IGSF9B: variants seen among roughly 807,000 people sequenced by gnomAD.
IGSF9B encodes protein turtle homolog B.
IGSF9B carries 48 observed loss-of-function variants against 143.7 expected under a neutral mutation model. The ratio of observed to expected loss-of-function variants is 0.33; its 90% CI spans 0.26 to 0.42. The LOEUF (loss-of-function observed/expected upper bound fraction) is 0.42, where lower values mean the gene tolerates loss of function less well. IGSF9B is among the 20% of genes least tolerant of loss of function. The pLI, the probability that IGSF9B is intolerant of heterozygous loss-of-function variation, is 1.00. For missense variants in IGSF9B, 1,706 were observed against 1,980.0 expected, an observed-to-expected ratio of 0.86 and a Z score of 2.63; for synonymous variants, 903 against 833.1, an observed-to-expected ratio of 1.08 and a Z score of -1.44.
chr11:133,931,691 G>A lies in IGSF9B; in HGVS notation c.1215C>T (p.Thr405=), dbSNP rs555427934. The change falls in exon 9 of 20, where the codon ACC becomes ACT. Residue 405 remains threonine (T), a synonymous_variant. Coordinates refer to ENST00000533871, the MANE Select transcript of IGSF9B (RefSeq NM_001277285.4). This position sits in a 1 kb window ranked among gnomAD's most constrained non-coding sequence, Gnocchi z 7.7. ...YTCVPYNTLG[T]MGQSAPARLV... Reference sequence around the variant, plus strand: ...GCCTCGCAGGGGCAGACTGGCCCATGGTCCCCAGAGTGTTGTAAGGCACAC... The same window carrying A: ...GCCTCGCAGGGGCAGACTGGCCCATAGTCCCCAGAGTGTTGTAAGGCACAC... 3 of 1,611,530 alleles carry A rather than the reference G, an allele frequency of 1.9e-6. No homozygotes were observed. The African/African-American group carries it at 4.0e-5, about 22-fold the overall frequency.
Position 133,919,844 on chromosome 11 carries a change from G to A in IGSF9B, c.3881C>T (p.Pro1294Leu). Residue 1294 changes from proline to leucine, a missense_variant, in exon 18 of 20, where the codon CCT (proline) becomes CTT (leucine). Transcript: ENST00000533871. ...TCCAAACACGTCCAAGCTGTCCCCA[G>A]GCCCAGCAGGGGCGGGGCCGGGTGG... Reference protein sequence around the residue: ...SPPPGPAPAGPGDSLDVFGQT... With the variant: ...SPPPGPAPAGLGDSLDVFGQT... 1.3e-6 allele frequency: 2 copies of A among 1,582,022 alleles called. No homozygotes were observed. The highest frequency in any genetic ancestry group is 1.7e-6 in the Non-Finnish European group (2 of 1,163,962).
intron 1 of IGSF9B, among the ~76,000 whole-genome samples, chr11:133,955,952 C>A (rs1452382886): frequency 2.0e-5 from 3 of 151,658 alleles, no homozygotes; most frequent in Admixed American, 2.0e-4. Flanking sequence ...CTGGGGAGGG[C>A]GGCGTGGGGC....
intron 1 of IGSF9B, among the ~76,000 whole-genome samples, chr11:133,951,238 G>A (rs942171679): frequency 3.9e-5 from 6 of 152,174 alleles, no homozygotes; most frequent in African/African-American, 1.4e-4. Flanking sequence ...GAAGGCAGAC[G>A]GGTACGGGTT....
chr11:133,956,246 G>C (rs1471054542), intron 1 of IGSF9B, among the ~76,000 whole-genome samples: 2 of 152,000 alleles, frequency 1.3e-5, no homozygotes, highest in Non-Finnish European at 2.9e-5. Flanking sequence ...TCCGGGTCGC[G>C]CCTCCCTGCA....
chr11:133,922,177 G>A lies in IGSF9B; in HGVS notation c.2327C>T (p.Pro776Leu), dbSNP rs781680563. ...TTCTCCCAGGATCTGAGACACTTACGGAGACTCCAGGCTCTTCCTGCAGTG... is the reference window on the plus strand; with the variant it reads ...TTCTCCCAGGATCTGAGACACTTACAGAGACTCCAGGCTCTTCCTGCAGTG... Reference protein sequence around the residue: ...ITHCRKSLESPLSSGKVSPES... With the variant: ...ITHCRKSLESLLSSGKVSPES... The change falls in exon 17 of 20, where the codon CCC (proline) becomes CTC (leucine). Residue 776 changes from proline to leucine, a missense_variant and splice_region_variant. By Grantham distance (98) the Pro-to-Leu change is moderately conservative. Coordinates refer to ENST00000533871, the MANE Select transcript of IGSF9B (RefSeq NM_001277285.4). 3 of 1,612,788 alleles carry A rather than the reference G, an allele frequency of 1.9e-6. No individual in the cohort carries two copies. Among genetic ancestry groups the A allele is most frequent in the African/African-American group, 1.3e-5 (1 of 74,908 alleles).
intron 3 of IGSF9B, 121 bp downstream of exon 3, chr11:133,944,099 A>AG (rs1419676707): frequency 7.0e-5 from 75 of 1,070,994 alleles, no homozygotes; most frequent in Non-Finnish European, 9.5e-5. Flanking sequence ...AGCAACAAGG[A>AG]GGGGGGCAGG....
In IGSF9B at chr11:133,907,396, C is replaced by T. The variant is rs529714197; in HGVS notation, c.*1673G>A. The stretch of plus-strand genomic sequence containing the variant: ...ACCAGCAGAAGCCATCCAATGCTGC[C>T]GTGGCTCACGTCCAAGCAGGGAACT... On this transcript the variant is annotated 3_prime_UTR_variant, in exon 20 of 20. Coordinates refer to ENST00000533871, the MANE Select transcript of IGSF9B (RefSeq NM_001277285.4). 3.9e-5 allele frequency among the ~76,000 whole-genome samples: 6 copies of T among 152,326 alleles called. No homozygotes were observed. The South Asian group carries it at 1.0e-3, about 26-fold the overall frequency.
In IGSF9B at chr11:133,945,736, G is replaced by T. The variant is rs933077975; in HGVS notation, c.262+325C>A. Among the ~76,000 whole-genome samples the T allele has an allele frequency of 6.6e-6, 1 of 152,104 alleles. No individual in the cohort carries two copies. The highest frequency in any genetic ancestry group is 1.5e-5 in the Non-Finnish European group (1 of 68,006). On this transcript the variant is annotated intron_variant, in intron 2 of 19. Transcript: ENST00000533871. The surrounding 1 kb of genome is among the most constrained non-coding windows in gnomAD (Gnocchi z 4.6). ...TGGGTGCGGCCAAGCAGGGAGAGCC[G>T]TGCTGGCCCAGGGCTGCCTGACTCA...
intron 3 of IGSF9B, among the ~76,000 whole-genome samples, chr11:133,940,552 G>GAAAAAATCAATTCTTATC (rs1939931557): frequency 7.4e-6 from 1 of 135,628 alleles, no homozygotes; most frequent in Admixed American, 7.7e-5. Flanking sequence ...GCATGTCCTC[G>GAAAAAATCAATTCTTATC]CACGCGTCAT....
intron 1 of IGSF9B, among the ~76,000 whole-genome samples, chr11:133,952,485 C>T (rs1398575959): frequency 2.6e-5 from 4 of 152,170 alleles, no homozygotes; most frequent in Non-Finnish European, 1.5e-5. Flanking sequence ...GAGGAGTGGC[C>T]CCCACCTCGT....
chr11:133,920,057 C>A lies in IGSF9B; in HGVS notation c.3668G>T (p.Arg1223Leu), dbSNP rs1231402929. The change falls in exon 18 of 20, where the codon CGG becomes CTG. Residue 1223 changes from arginine (R) to leucine (L), a missense_variant. Transcript: ENST00000533871. ...TGSPELAARA[R>L]PRPGLLQQAE... ...CTGCTGCAGGAGGCCCGGGCGAGGC[C>A]GGGCACGGGCGGCGAGCTCAGGGGA... 1.9e-6 allele frequency: 3 copies of A among 1,543,550 alleles called. No homozygotes were observed. The highest frequency in any genetic ancestry group is 2.1e-5 in the Admixed American group (1 of 48,158).
In IGSF9B at chr11:133,946,188, G is replaced by A. The variant is rs374604489; in HGVS notation, c.135C>T (p.Cys45=). Residue 45 remains cysteine (C), a synonymous_variant, in exon 2 of 20, where the codon TGC becomes TGT. Transcript: ENST00000533871. Reference sequence around the variant, plus strand: ...GTCCCGTCACTGGGTGGATCACGTCGCATCGCAGGACCACGCTCTCCCCAG... The same window carrying A: ...GTCCCGTCACTGGGTGGATCACGTCACATCGCAGGACCACGCTCTCCCCAG... ...ARAGESVVLR[C]DVIHPVTGQP... 91 of 1,613,546 alleles carry A rather than the reference G, an allele frequency of 5.6e-5. 1 individual carries two copies. In the South Asian group the frequency reaches 7.0e-4, roughly 12 times the overall value.
chr11:133,938,600 A>G (rs976421005), intron 3 of IGSF9B, among the ~76,000 whole-genome samples: 3 of 152,160 alleles, frequency 2.0e-5, no homozygotes, highest in Admixed American at 2.0e-4. Flanking sequence ...CTGTTTGGGT[A>G]ATCGGCTTTT....
In IGSF9B at chr11:133,921,824, C is replaced by T. The variant is rs570491026; in HGVS notation, c.2327+353G>A. ...TTCCCCTCTTTTCAAGACAAGCAAGCTCACTTTAATATCAACTTAAGCAAC... is the reference window on the plus strand; with the variant it reads ...TTCCCCTCTTTTCAAGACAAGCAAGTTCACTTTAATATCAACTTAAGCAAC... On this transcript the variant is annotated intron_variant, in intron 17 of 19. Coordinates refer to ENST00000533871, the MANE Select transcript of IGSF9B (RefSeq NM_001277285.4). 3.3e-4 allele frequency among the ~76,000 whole-genome samples: 51 copies of T among 152,252 alleles called. No individual in the cohort carries two copies. In the South Asian group the frequency reaches 9.3e-3, roughly 28 times the overall value.
chr11:133,912,056 G>A (rs1939310075), intron 18 of IGSF9B, 49 bp from the exon 19 acceptor site: 8 of 1,486,954 alleles, frequency 5.4e-6, no homozygotes, highest in Non-Finnish European at 7.1e-6. Context: ...GATGTGTGAG[G>A]CTTTGGAAGA....
chr11:133,947,606 C>T (rs1940077673), intron 1 of IGSF9B, among the ~76,000 whole-genome samples: 1 of 152,198 alleles, frequency 6.6e-6, no homozygotes, highest in Non-Finnish European at 1.5e-5. Context: ...GCATCTCGGA[C>T]CCCTGTGTGC....
intron 11 of IGSF9B, 68 bp from the exon 12 acceptor site, chr11:133,929,850 G>C: frequency 5.8e-6 from 6 of 1,043,300 alleles, no homozygotes; most frequent in Non-Finnish European, 8.9e-6. Context: ...CCCACCGTCT[G>C]GCTGTGGGGA....
At chr11:133,924,985 G>A in intron 14 of IGSF9B, 81 bp from the exon 15 acceptor site, 2 of 1,209,872 alleles carry the variant, frequency 1.7e-6, no homozygotes, top group East Asian at 2.3e-5. Flanking sequence ...CCTGCACACA[G>A]CCTTGCAAAG....
In IGSF9B at chr11:133,903,283, C is replaced by T. The variant is rs1251455925; in HGVS notation, c.*5786G>A. On this transcript the variant is annotated 3_prime_UTR_variant, in exon 20 of 20. Transcript: ENST00000533871. ...CCCAGGCAGCCATTCACGTCCCCAT[C>T]TAGTGTGATGGGAATGGTGACAACC... 3.9e-5 allele frequency among the ~76,000 whole-genome samples: 6 copies of T among 152,104 alleles called. No homozygotes were observed. The highest frequency in any genetic ancestry group is 1.4e-4 in the African/African-American group (6 of 41,410).
Sources: gnomAD v4.1 joint callset for allele counts (sites outside exome capture counted in the v4.1 genomes callset) on GRCh38, gnomAD v4.1.1 for gene constraint, Gnocchi (gnomAD v3.1) non-coding constraint, MANE v1.5 for transcripts, NCBI Gene and HGNC (gene_info 2026-07-23, HGNC 2026-07-21) for gene names.